The following BTG4 variants were observed in gnomAD, a reference collection of about 807,000 sequenced individuals.
BTG4 encodes the protein protein BTG4.
A neutral mutation model predicts 19.3 loss-of-function variants in BTG4; 10 were observed. The ratio of observed to expected loss-of-function variants is 0.52; its 90% CI spans 0.32 to 0.88. The LOEUF is 0.88. Ranked by LOEUF, BTG4 falls within the 40% of genes least tolerant of loss-of-function variation. The pLI, the probability that BTG4 is intolerant of heterozygous loss-of-function variation, is 0.04. For synonymous variants in BTG4, 91 were observed against 95.7 expected, an observed-to-expected ratio of 0.95 and a Z score of 0.29; for missense variants, 238 against 281.9, an observed-to-expected ratio of 0.84 and a Z score of 1.11.
the BTG4 span, among the ~76,000 whole-genome samples, chr11:111,451,618 G>T: frequency 6.6e-6 from 1 of 152,116 alleles, no homozygotes; most frequent in Non-Finnish European, 1.5e-5. Flanking sequence ...TACAAAATTA[G>T]CTGGGCATGG....
chr11:111,415,666 G>A, the BTG4 span, among the ~76,000 whole-genome samples: 1 of 152,196 alleles, frequency 6.6e-6, no homozygotes, highest in Non-Finnish European at 1.5e-5. Flanking sequence ...GAGCAGAGCT[G>A]GGAGGGGAAG....
chr11:111,460,048 C>T, the BTG4 span, among the ~76,000 whole-genome samples: 4 of 152,226 alleles, frequency 2.6e-5, no homozygotes, highest in African/African-American at 7.2e-5. Flanking sequence ...CCCACCCCCA[C>T]GCCAGGGCTG....
At chr11:111,508,160 G>C (rs910897979) in intron 1 of BTG4, among the ~76,000 whole-genome samples, 4 of 152,172 alleles carry the variant, frequency 2.6e-5, no homozygotes, top group Admixed American at 2.6e-4. Context: ...ACCAAGTCAT[G>C]CAAAGTTTCC....
chr11:111,442,327 C>A, the BTG4 span, among the ~76,000 whole-genome samples: 2 of 151,348 alleles, frequency 1.3e-5, no homozygotes, highest in Non-Finnish European at 2.9e-5. Context: ...ATGGTGAAAC[C>A]CCATTTCTAT....
At chr11:111,432,377 C>G in the BTG4 span, among the ~76,000 whole-genome samples, 2 of 152,214 alleles carry the variant, frequency 1.3e-5, no homozygotes, top group South Asian at 4.1e-4. Flanking sequence ...AGCACAGTGT[C>G]TCATGCCTGT....
At chr11:111,427,763 G>A in the BTG4 span, among the ~76,000 whole-genome samples, 1 of 152,128 alleles carries the variant, frequency 6.6e-6, no homozygotes, top group Non-Finnish European at 1.5e-5. Context: ...CCAAGGGGAG[G>A]GGTCAGTCAA....
At chr11:111,510,537 C>T (rs1185946181) in intron 1 of BTG4, among the ~76,000 whole-genome samples, 1 of 152,158 alleles carries the variant, frequency 6.6e-6, no homozygotes, top group African/African-American at 2.4e-5. Context: ...TCTCCCTGGT[C>T]TCCAGGCATG....
chr11:111,454,984 C>T, the BTG4 span: 2 of 456,518 alleles, frequency 4.4e-6, no homozygotes, highest in Middle Eastern at 3.4e-4. Flanking sequence ...CTACCTTAAA[C>T]TTCTGGGTGA....
At chr11:111,508,864 T>C (rs1022991910) in intron 1 of BTG4, among the ~76,000 whole-genome samples, 4 of 151,274 alleles carry the variant, frequency 2.6e-5, no homozygotes, top group African/African-American at 9.7e-5. Context: ...ATATTAATTA[T>C]CTATATATAC....
At chr11:111,456,673 G>C in the BTG4 span, 1 of 395,388 alleles carries the variant, frequency 2.5e-6, no homozygotes, top group Admixed American at 2.6e-5. This position sits in a 1 kb window ranked among gnomAD's most constrained non-coding sequence, Gnocchi z 4.2. Context: ...GGTGCTGCCC[G>C]AGGCTGGACA....
chr11:111,441,129 T>TTC, the BTG4 span, among the ~76,000 whole-genome samples: 7 of 143,224 alleles, frequency 4.9e-5, no homozygotes, highest in East Asian at 8.2e-4. Context: ...TTTTTTTTTT[T>TTC]CACAAATACA....
chr11:111,449,019 T>TCCTAGC, the BTG4 span, among the ~76,000 whole-genome samples: 1 of 152,086 alleles, frequency 6.6e-6, no homozygotes, highest in East Asian at 1.9e-4. Context: ...CCAAAACACA[T>TCCTAGC]CCTAGCCCAA....
downstream of BTG4, among the ~76,000 whole-genome samples, chr11:111,491,664 A>C (rs1865422630): frequency 6.7e-6 from 1 of 149,554 alleles, no homozygotes; most frequent in Non-Finnish European, 1.5e-5. Context: ...CAAGCCAGGG[A>C]GTCAAGGCTG....
chr11:111,409,198 C>G, the BTG4 span, among the ~76,000 whole-genome samples: 14 of 152,080 alleles, frequency 9.2e-5, no homozygotes, highest in Non-Finnish European at 1.8e-4. Context: ...AAAAGTCACC[C>G]CTTTAGGAGA....
At chr11:111,430,511 A>AT in the BTG4 span, among the ~76,000 whole-genome samples, 1 of 152,314 alleles carries the variant, frequency 6.6e-6, no homozygotes, top group Non-Finnish European at 1.5e-5. Flanking sequence ...TCCACAAGCA[A>AT]TTTCCTTGTA....
At chr11:111,397,750 T>C in the BTG4 span, 1 of 152,202 alleles carries the variant, frequency 6.6e-6, no homozygotes, top group South Asian at 2.1e-4. Flanking sequence ...TGTATCCCAA[T>C]ACTAAGAATA....
At chr11:111,460,747 T>C in the BTG4 span, among the ~76,000 whole-genome samples, 2 of 152,350 alleles carry the variant, frequency 1.3e-5, no homozygotes, top group East Asian at 3.9e-4. Flanking sequence ...AGACATGGGA[T>C]ATAATCAAAT....
At chr11:111,507,390 T>G (rs1866532535) in intron 1 of BTG4, among the ~76,000 whole-genome samples, 2 of 152,136 alleles carry the variant, frequency 1.3e-5, no homozygotes, top group African/African-American at 4.8e-5. Flanking sequence ...TTTTTTATTG[T>G]TTTTCATTTT....
the BTG4 span, among the ~76,000 whole-genome samples, chr11:111,395,598 T>A: frequency 6.6e-6 from 1 of 152,268 alleles, no homozygotes. Flanking sequence ...GATTTTCAAC[T>A]GGTTTCTACC....
Sources: gnomAD v4.1 joint callset for allele counts (sites outside exome capture counted in the v4.1 genomes callset) on GRCh38, gnomAD v4.1.1 for gene constraint, Gnocchi (gnomAD v3.1) non-coding constraint, MANE v1.5 for transcripts, NCBI Gene and HGNC (gene_info 2026-07-23, HGNC 2026-07-21) for gene names.